Variants in RNF213 observed in about 807,000 individuals in gnomAD.
RNF213 encodes ring finger protein 213, also known as E3 ubiquitin-protein ligase RNF213.
In RNF213, 341 loss-of-function variants were observed where a neutral mutation model predicts 514.4. The observed-to-expected ratio is 0.66, with a 90% CI of 0.61 to 0.73. The LOEUF is 0.73. RNF213 is among the 30% of genes least tolerant of loss of function. The probability of loss-of-function intolerance (pLI) is 0.00; values close to 1 mark genes in which losing one functional copy is unlikely to be tolerated. For missense variants in RNF213, 5,767 were observed against 6,615.6 expected (o/e 0.87, Z 4.45); for synonymous variants, 2,655 against 2,658.2 (o/e 1.00, Z 0.04).
chr17:80,348,253 G>A lies in RNF213; in HGVS notation c.9918G>A (p.Thr3306=), dbSNP rs114370278. ...ATTTCCTTCAGGCACACCTGCACAC[G>A]GCAGACCTGGAGCGCCACGCCATCT... The part of the protein sequence containing the change: ...FADFLQAHLH[T]ADLERHAIFT... Residue 3306 remains threonine (T), a synonymous_variant, in exon 29 of 68, where the codon ACG becomes ACA. Coordinates refer to ENST00000582970, the MANE Select transcript of RNF213 (RefSeq NM_001256071.3). 9.2e-4 allele frequency: 1,491 copies of A among 1,613,774 alleles called. 10 individuals carry two copies. In the African/African-American group the frequency reaches 0.017, roughly 18 times the overall value.
At chr17:80,261,406 T>G (rs2043414429) in intron 1 of RNF213, among the ~76,000 whole-genome samples, 1 of 152,164 alleles carries the variant, frequency 6.6e-6, no homozygotes, top group Admixed American at 6.5e-5. Flanking sequence ...CCTTCCGACT[T>G]GGCGAAGTCG....
At chr17:80,381,383 C>A in intron 56 of RNF213, 164 bp from the exon 57 acceptor site, 1 of 751,466 alleles carries the variant, frequency 1.3e-6, no homozygotes. Flanking sequence ...AGCAGCCGTT[C>A]CGCTTGCTAG....
intron 1 of RNF213, among the ~76,000 whole-genome samples, chr17:80,262,276 T>G (rs778703814): frequency 1.8e-4 from 27 of 151,946 alleles, no homozygotes; most frequent in South Asian, 4.2e-4. Flanking sequence ...ATAATTTTAG[T>G]CTCTGGAATA....
In RNF213 at chr17:80,263,184, G is replaced by A. The variant is rs1384184490; in HGVS notation, c.-108-390G>A. 6.6e-6 allele frequency among the ~76,000 whole-genome samples: 1 copy of A among 152,156 alleles called. No homozygotes were observed. The highest frequency in any genetic ancestry group is 1.5e-5 in the Non-Finnish European group (1 of 68,030). On this transcript the variant is annotated intron_variant, in intron 1 of 67. Coordinates refer to ENST00000582970, the MANE Select transcript of RNF213 (RefSeq NM_001256071.3). The surrounding 1 kb of genome is among the most constrained non-coding windows in gnomAD (Gnocchi z 4.9). ...GATGGCAGCCTCCCCCCATTACTAG[G>A]AATCTGACTGCCAGCCCAGTAGCCC...
chr17:80,293,635 A>G (rs958697796), intron 8 of RNF213, among the ~76,000 whole-genome samples: 8 of 151,872 alleles, frequency 5.3e-5, no homozygotes, highest in Non-Finnish European at 1.2e-4. Flanking sequence ...CATCCTGGCT[A>G]ACACGGTGAA....
intron 3 of RNF213, among the ~76,000 whole-genome samples, chr17:80,283,523 C>T (rs1025026821): frequency 2.0e-5 from 3 of 152,232 alleles, no homozygotes; most frequent in African/African-American, 7.2e-5. Flanking sequence ...GAGGCCAGGC[C>T]TGGCTCCTGC....
chr17:80,299,926 G>A (rs1179444472), intron 11 of RNF213, among the ~76,000 whole-genome samples: 1 of 152,176 alleles, frequency 6.6e-6, no homozygotes, highest in African/African-American at 2.4e-5. Flanking sequence ...GTATTCCATG[G>A]TGTGTATGTA....
At chr17:80,382,458 C>G (rs1018282583) in intron 57 of RNF213, 4 of 160,046 alleles carry the variant, frequency 2.5e-5, no homozygotes, top group South Asian at 3.6e-4. Flanking sequence ...ACCTCAGGTA[C>G]TTCTTTGCCT....
rs557220395 is a variant in RNF213 at position 80,385,277 on chromosome 17, G to C, written c.14455+106G>C. ...GGCGGAGGGGAGGAGGCGCTGATGG[G>C]TGCTCTATAGCCTAAGCCCTTACCA... On this transcript the variant is annotated intron_variant, in intron 60 of 67. Coordinates refer to ENST00000582970, the MANE Select transcript of RNF213 (RefSeq NM_001256071.3). The C allele has an allele frequency of 2.9e-6, 4 of 1,363,956 alleles. 1 individual carries two copies. The South Asian group carries it at 3.5e-5, about 12-fold the overall frequency. 84.5% of individuals were successfully genotyped at this position (1,363,956 alleles called of 1,614,324 possible).
At chr17:80,329,243 A>G (rs1288991025) in intron 20 of RNF213, among the ~76,000 whole-genome samples, 1 of 152,210 alleles carries the variant, frequency 6.6e-6, no homozygotes, top group African/African-American at 2.4e-5. Flanking sequence ...TCCTGAGAAA[A>G]GGGCGTGTAA....
Position 80,339,778 on chromosome 17 carries a change from A to G in RNF213, c.5411A>G (p.His1804Arg). ...PDCLDLETLG[H>R]CLAHLAGMGG... is the part of the protein sequence containing the mutation. Reference sequence around the variant, plus strand: ...TGCCTCGACCTAGAGACCCTTGGCCACTGTCTGGCTCACCTGGCAGGGATG... The same window carrying G: ...TGCCTCGACCTAGAGACCCTTGGCCGCTGTCTGGCTCACCTGGCAGGGATG... Residue 1804 changes from histidine to arginine, a missense_variant, in exon 26 of 68, where the codon CAC (histidine) becomes CGC (arginine). Physicochemically the swap from His to Arg is conservative, Grantham distance 29. This residue lies in a region of RNF213 where 1,377 missense variants were observed against 1,635.2 expected (regional missense o/e 0.84). Transcript: ENST00000582970. 6.5e-7 allele frequency: 1 copy of G among 1,535,494 alleles called. No individual in the cohort carries two copies.
intron 3 of RNF213, chr17:80,278,918 G>A (rs1287938587): frequency 5.2e-6 from 8 of 1,537,072 alleles, no homozygotes; most frequent in Non-Finnish European, 6.1e-6. Flanking sequence ...CAGGTAGTCC[G>A]AGTCAATAGT....
At position 80,390,174 on chromosome 17, in the gene RNF213, G is replaced by T; in HGVS notation, c.15448G>T (p.Glu5150Ter). 1.9e-6 allele frequency: 3 copies of T among 1,614,036 alleles called. No individual in the cohort carries two copies. Among genetic ancestry groups the T allele is most frequent in the Non-Finnish European group, 2.5e-6 (3 of 1,179,968 alleles). ...AAAGAACCCCCAAACCCAAACCGAG[G>T]AGCGCTTCCGCCCTCAGTGGAGGTA... ...KLKNPQTQTE[E>*]RFRPQWSLRD... The change falls in exon 67 of 68, where the codon GAG becomes TAG. Residue 5150 changes from glutamate (E) to a stop codon, truncating the protein, a stop_gained. Coordinates refer to ENST00000582970, the MANE Select transcript of RNF213 (RefSeq NM_001256071.3). LOFTEE classifies it low-confidence loss of function (END_TRUNC).
In RNF213 at chr17:80,381,687, G is replaced by T; in HGVS notation, c.13938G>T (p.Leu4646=). The T allele has an allele frequency of 6.2e-7, 1 of 1,614,148 alleles. No individual in the cohort carries two copies. The highest frequency in any genetic ancestry group is 8.5e-7 in the Non-Finnish European group (1 of 1,180,022). The part of the protein sequence containing the change: ...DETIGVVHLV[L]RRLLQEQHQL... ...CCATCGGCGTGGTCCACCTCGTCCT[G>T]CGCAGGCTTCTCCAAGAGCAGCACC... Residue 4646 remains leucine, a synonymous_variant, in exon 57 of 68, where the codon CTG becomes CTT. Coordinates refer to ENST00000582970, the MANE Select transcript of RNF213 (RefSeq NM_001256071.3).
intron 36 of RNF213, chr17:80,355,255 A>G (rs1180207987): frequency 2.2e-6 from 1 of 455,506 alleles, no homozygotes; most frequent in South Asian, 1.5e-5. Flanking sequence ...TGTGCCAGTG[A>G]TAGGTTCGCT....
At chr17:80,279,033 A>C in intron 3 of RNF213, 2 of 1,343,636 alleles carry the variant, frequency 1.5e-6, no homozygotes, top group Non-Finnish European at 2.0e-6. Context: ...GCTGCCCAGG[A>C]TGGGCGTTTT....
intron 23 of RNF213, chr17:80,336,636 T>C: frequency 4.1e-6 from 2 of 492,142 alleles, no homozygotes; most frequent in Non-Finnish European, 3.8e-6. Context: ...AAGGGAAATA[T>C]GCTGAAACGT....
rs1456860073 is a variant in RNF213, at chr17:80,395,263, T to A, written c.*1765T>A. The A allele has an allele frequency of 6.6e-6, 1 of 152,140 alleles. No homozygotes were observed. The highest frequency in any genetic ancestry group is 1.5e-5 in the Non-Finnish European group (1 of 68,028). 9.4% of individuals were successfully genotyped at this position (152,140 alleles called of 1,614,324 possible). ...GCAAAAAAAAAAAAAATGAATTTTA[T>A]TTTACTTGTCACACCTGTCTTAATA... On this transcript the variant is annotated 3_prime_UTR_variant, in exon 68 of 68. Transcript: ENST00000582970.
Position 80,331,929 on chromosome 17 carries a change from A to G in RNF213, c.3518-77A>G, listed in dbSNP as rs1017736232. 5 of 1,461,134 alleles carry G rather than the reference A, an allele frequency of 3.4e-6. No homozygotes were observed. In the African/African-American group the frequency reaches 4.2e-5, roughly 12 times the overall value. 90.5% of individuals were successfully genotyped at this position (1,461,134 alleles called of 1,614,324 possible). A position where few individuals can be genotyped will look rare whatever the true frequency, so the allele number is the denominator to read the frequency against. On this transcript the variant is annotated intron_variant, in intron 20 of 67. Coordinates refer to ENST00000582970, the MANE Select transcript of RNF213 (RefSeq NM_001256071.3). ...AGTTCGCTCAGAGAAGTGAGGAGAGAAAGTCTTAGGAAAGTGAAATAAAAT... is the reference window on the plus strand; with the variant it reads ...AGTTCGCTCAGAGAAGTGAGGAGAGGAAGTCTTAGGAAAGTGAAATAAAAT...
Sources: allele counts gnomAD v4.1 joint callset (sites outside exome capture counted in the v4.1 genomes callset), GRCh38; gene constraint gnomAD v4.1.1; regional missense constraint gnomAD v4.1.1; non-coding constraint Gnocchi (gnomAD v3.1); transcripts MANE v1.5; gene names NCBI Gene and HGNC (gene_info 2026-07-23, HGNC 2026-07-21).